The following HUS1 variants were observed in gnomAD, a reference collection of about 807,000 sequenced individuals.
HUS1 encodes HUS1 checkpoint clamp component, also known as checkpoint protein HUS1.
In HUS1, 31 loss-of-function variants were observed where a neutral mutation model predicts 32.6. That is an observed-to-expected ratio of 0.95 (90% CI 0.72 to 1.28). The LOEUF is 1.28. Ranked by LOEUF, HUS1 falls within the 50% of genes most tolerant of loss-of-function variation. The pLI is 0.00. For synonymous variants in HUS1, 123 were observed against 116.6 expected, an observed-to-expected ratio of 1.06 and a Z score of -0.36; for missense variants, 340 against 337.7, an observed-to-expected ratio of 1.01 and a Z score of -0.05.
intron 4 of HUS1, chr7:47,976,436 T>C (rs1243356582): frequency 8.3e-6 from 4 of 482,450 alleles, no homozygotes; most frequent in South Asian, 3.1e-5. Context: ...GAAACCCAAA[T>C]TGGTGTCTAA....
Position 47,979,588 on chromosome 7 carries a change from C to A in HUS1, c.-69G>T, listed in dbSNP as rs867262189. ...AAAAGCGTCGCGCCCTGAGTGTCCCCGCCCGGAAACACGGCAGCGCGAACA... is the reference window on the plus strand; with the variant it reads ...AAAAGCGTCGCGCCCTGAGTGTCCCAGCCCGGAAACACGGCAGCGCGAACA... On this transcript the variant is annotated 5_prime_UTR_variant, in exon 1 of 8. Transcript: ENST00000258774. 30 of 1,233,844 alleles carry A rather than the reference C, an allele frequency of 2.4e-5. No homozygotes were observed. The Middle Eastern group carries it at 4.8e-3, about 196-fold the overall frequency. The allele number at this position is 1,233,844 out of a possible 1,614,324, so 76.4% of individuals were successfully genotyped here. A position where few individuals can be genotyped will look rare whatever the true frequency, so the allele number is the denominator to read the frequency against.
chr7:47,974,973 C>T (rs1431703824), intron 5 of HUS1, among the ~76,000 whole-genome samples: 1 of 152,164 alleles, frequency 6.6e-6, no homozygotes, highest in Non-Finnish European at 1.5e-5. Flanking sequence ...CACTGTCAGT[C>T]ATATCAGTGA....
At chr7:47,969,972 G>A (rs943202628) in intron 5 of HUS1, among the ~76,000 whole-genome samples, 2 of 152,056 alleles carry the variant, frequency 1.3e-5, no homozygotes, top group African/African-American at 2.4e-5. Context: ...GGTGGCTCTC[G>A]CTTGTAATCC....
At chr7:47,978,927 A>G (rs1267060011) in intron 1 of HUS1, 111 bp from the exon 2 acceptor site, 10 of 1,137,394 alleles carry the variant, frequency 8.8e-6, no homozygotes, top group Non-Finnish European at 1.3e-5. Flanking sequence ...AAAAATAACC[A>G]CTTAACGTTG....
At chr7:47,972,005 A>G (rs1788609985) in intron 5 of HUS1, among the ~76,000 whole-genome samples, 1 of 152,196 alleles carries the variant, frequency 6.6e-6, no homozygotes, top group Non-Finnish European at 1.5e-5. Flanking sequence ...TGTATAATCT[A>G]CTTTGAATGA....
intron 5 of HUS1, among the ~76,000 whole-genome samples, chr7:47,975,242 C>T (rs185550402): frequency 1.3e-5 from 2 of 149,246 alleles, no homozygotes; most frequent in Admixed American, 1.3e-4. Flanking sequence ...GGCATGAACC[C>T]GGGAGGCGGA....
chr7:47,972,907 C>G (rs1348202455), intron 5 of HUS1, among the ~76,000 whole-genome samples: 4 of 152,162 alleles, frequency 2.6e-5, no homozygotes, highest in Non-Finnish European at 5.9e-5. Flanking sequence ...TTTGTTTTGG[C>G]TCAGCAACCC....
chr7:47,974,139 T>A (rs1788651642), intron 5 of HUS1, among the ~76,000 whole-genome samples: 1 of 152,264 alleles, frequency 6.6e-6, no homozygotes. Context: ...TTTTCTAGGC[T>A]TCAAAATACT....
intron 5 of HUS1, among the ~76,000 whole-genome samples, chr7:47,970,096 G>A (rs1300894943): frequency 1.3e-5 from 2 of 151,742 alleles, no homozygotes; most frequent in Non-Finnish European, 2.9e-5. Flanking sequence ...AGCCGGGCGT[G>A]GTGGCGGGCG....
chr7:47,974,593 A>C (rs1788660691), intron 5 of HUS1, among the ~76,000 whole-genome samples: 2 of 117,154 alleles, frequency 1.7e-5, no homozygotes, highest in Admixed American at 1.8e-4. Flanking sequence ...TCAAGATCAA[A>C]AGTTTATGCT....
rs3176544 is a variant in HUS1, at chr7:47,973,873, A to G, written c.540+1740T>C. On this transcript the variant is annotated intron_variant, in intron 5 of 7. Transcript: ENST00000258774. ...AAACAAATGCCATCCTTCAATTAAC[A>G]GCCCTGTCTTTTCTCTCCTGGGCCT... 7.6e-3 allele frequency among the ~76,000 whole-genome samples: 1,151 copies of G among 152,334 alleles called. 20 individuals carry two copies. The highest frequency in any genetic ancestry group is 0.026 in the African/African-American group (1,080 of 41,578).
intron 5 of HUS1, among the ~76,000 whole-genome samples, chr7:47,975,178 C>A (rs1351230747): frequency 6.6e-6 from 1 of 151,850 alleles, no homozygotes; most frequent in Non-Finnish European, 1.5e-5. Context: ...ATTAGCCAGG[C>A]ATGGTGGCAG....
chr7:47,967,619 C>T (rs553127282), intron 7 of HUS1, among the ~76,000 whole-genome samples, 187 bp downstream of exon 7: 52 of 151,828 alleles, frequency 3.4e-4, no homozygotes, highest in African/African-American at 1.2e-3. Flanking sequence ...CTGCTGCCAC[C>T]TTAGGTACTT....
At chr7:47,972,432 C>G (rs572850453) in intron 5 of HUS1, among the ~76,000 whole-genome samples, 2 of 152,302 alleles carry the variant, frequency 1.3e-5, no homozygotes, top group South Asian at 2.1e-4. Flanking sequence ...ACATGGTGGC[C>G]TTAAGTCAAT....
intron 4 of HUS1, among the ~76,000 whole-genome samples, chr7:47,975,948 C>A (rs951096492): frequency 2.0e-5 from 3 of 152,208 alleles, no homozygotes; most frequent in African/African-American, 7.2e-5. Flanking sequence ...TGTGGGCATT[C>A]TTTTGGCTCA....
At position 47,978,420 on chromosome 7, in the gene HUS1, C is replaced by G. The variant is rs774619687; in HGVS notation, c.354G>C (p.Glu118Asp). 6.2e-7 allele frequency: 1 copy of G among 1,613,732 alleles called. No homozygotes were observed. Among genetic ancestry groups the G allele is most frequent in the East Asian group, 2.2e-5 (1 of 44,872 alleles). Residue 118 changes from glutamate to aspartate, a missense_variant, in exon 3 of 8, where the codon GAG becomes GAC. By Grantham distance (45) the Glu-to-Asp change is conservative. Coordinates refer to ENST00000258774, the MANE Select transcript of HUS1 (RefSeq NM_004507.4). ...KHFPCLTVSV[E>D]LLSMSSSSRI... ...AAACCCTGACTCTCCTACTCACCAG[C>G]TCCACGGAGACCGTGAGGCAGGGAA...
At chr7:47,969,748 T>C (rs370401277) in intron 5 of HUS1, among the ~76,000 whole-genome samples, 1 of 151,676 alleles carries the variant, frequency 6.6e-6, no homozygotes, top group African/African-American at 2.4e-5. Flanking sequence ...ATGGGCACCT[T>C]GGGCAAAAAA....
intron 5 of HUS1, among the ~76,000 whole-genome samples, chr7:47,975,287 C>T (rs1330857669): frequency 6.9e-6 from 1 of 145,330 alleles, no homozygotes; most frequent in African/African-American, 2.6e-5. Context: ...CATTGCACTC[C>T]AGCCTGGGCG....
chr7:47,965,465 G>T, intron 7 of HUS1, 27 bp from the exon 8 acceptor site: 1 of 1,489,644 alleles, frequency 6.7e-7, no homozygotes, highest in Non-Finnish European at 9.4e-7. Flanking sequence ...CATGATTTTA[G>T]AGACCTAGTG....
Sources: allele counts gnomAD v4.1 joint callset (sites outside exome capture counted in the v4.1 genomes callset), GRCh38; gene constraint gnomAD v4.1.1; transcripts MANE v1.5; gene names NCBI Gene and HGNC (gene_info 2026-07-23, HGNC 2026-07-21).